Variants in RIMS2 observed in about 807,000 individuals in gnomAD.
RIMS2 encodes regulating synaptic membrane exocytosis 2, also known as regulating synaptic membrane exocytosis protein 2.
A neutral mutation model predicts 174.4 loss-of-function variants in RIMS2; 59 were observed. The observed-to-expected ratio is 0.34, with a 90% CI of 0.27 to 0.42. The LOEUF (loss-of-function observed/expected upper bound fraction) is 0.42. Among genes scored for constraint, RIMS2 ranks in the 10% least tolerant of loss-of-function variants. The probability of loss-of-function intolerance (pLI) is 1.00; values close to 1 mark genes in which losing one functional copy is unlikely to be tolerated. For missense variants in RIMS2, 1,620 were observed against 1,666.3 expected, an observed-to-expected ratio of 0.97 and a Z score of 0.48; for synonymous variants, 606 against 572.5, an observed-to-expected ratio of 1.06 and a Z score of -0.84.
intron 19 of RIMS2, among the ~76,000 whole-genome samples, chr8:104,101,280 C>A (rs955490752): frequency 4.6e-5 from 7 of 151,658 alleles, no homozygotes; most frequent in Admixed American, 3.9e-4. Context: ...GCATGTGCCA[C>A]CATGCCCAGC....
intron 3 of RIMS2, among the ~76,000 whole-genome samples, chr8:103,843,002 C>G (rs2098949175): frequency 1.3e-5 from 2 of 152,148 alleles, no homozygotes; most frequent in African/African-American, 4.8e-5. Context: ...ATTTCCTCTT[C>G]TTATAAGTAT....
Position 104,150,439 on chromosome 8 carries a change from C to T in RIMS2, c.3335-94477C>T, listed in dbSNP as rs1057052839. Among the ~76,000 whole-genome samples, 6 of 152,112 alleles carry T rather than the reference C, an allele frequency of 3.9e-5. No homozygotes were observed. The South Asian group carries it at 6.2e-4, about 16-fold the overall frequency. On this transcript the variant is annotated intron_variant, in intron 19 of 23. Transcript: ENST00000504942. ...TTAAACAGATTGCTTCAAGGTCATA[C>T]GCCAGTGGTGAATCTAGAGTTACAC...
chr8:103,593,052 T>TTTTC (rs1212974116), intron 1 of RIMS2, among the ~76,000 whole-genome samples: 1 of 151,444 alleles, frequency 6.6e-6, no homozygotes, highest in Non-Finnish European at 1.5e-5. Flanking sequence ...CATTTGGATG[T>TTTTC]TTGAAGACAT....
rs1195802653 is a variant in RIMS2, at chr8:104,060,019, G to A, written c.3334+45404G>A. On this transcript the variant is annotated intron_variant, in intron 19 of 23. Transcript: ENST00000504942. ...GCATCAATGTTCATCAAGGATATTG[G>A]TCTAAAATTCTCTTTTTTGGTTGTG... Among the ~76,000 whole-genome samples the A allele has an allele frequency of 5.3e-5, 8 of 151,832 alleles. 1 individual carries two copies. Among genetic ancestry groups the A allele is most frequent in the Non-Finnish European group, 1.2e-4 (8 of 67,916 alleles).
intron 1 of RIMS2, among the ~76,000 whole-genome samples, chr8:103,615,587 T>G (rs140727507): frequency 1.5e-4 from 23 of 151,964 alleles, no homozygotes; most frequent in African/African-American, 4.8e-4. Flanking sequence ...ATCAACAAAT[T>G]CAGGAGTTGA....
chr8:103,663,399 C>T (rs1363165066), intron 1 of RIMS2, among the ~76,000 whole-genome samples: 1 of 152,138 alleles, frequency 6.6e-6, no homozygotes, highest in Non-Finnish European at 1.5e-5. Context: ...ATCGTGTCAG[C>T]CCCAAATCTC....
intron 3 of RIMS2, among the ~76,000 whole-genome samples, chr8:103,834,339 T>C (rs2098845004): frequency 6.7e-6 from 1 of 149,000 alleles, no homozygotes; most frequent in Non-Finnish European, 1.5e-5. Context: ...TTTCTTTTTT[T>C]TTTTTTTTTT....
At chr8:103,790,112 A>T (rs953822530) in intron 3 of RIMS2, among the ~76,000 whole-genome samples, 3 of 152,080 alleles carry the variant, frequency 2.0e-5, no homozygotes, top group Non-Finnish European at 2.9e-5. Context: ...TGGAGATATA[A>T]TTCATGTGTC....
intron 19 of RIMS2, among the ~76,000 whole-genome samples, chr8:104,073,076 ACTTT>A (rs1030380759): frequency 1.3e-5 from 2 of 152,206 alleles, no homozygotes; most frequent in Non-Finnish European, 2.9e-5. Flanking sequence ...TATAAAATCA[ACTTT>A]CTTTCCTCTT....
chr8:104,169,031 C>T (rs1280781059), intron 19 of RIMS2, among the ~76,000 whole-genome samples: 1 of 151,876 alleles, frequency 6.6e-6, no homozygotes, highest in East Asian at 1.9e-4. Context: ...TTTTGATATG[C>T]TGTTGGATTT....
chr8:104,221,400 G>A (rs2099154570), intron 19 of RIMS2, among the ~76,000 whole-genome samples: 1 of 151,982 alleles, frequency 6.6e-6, no homozygotes, highest in Admixed American at 6.6e-5. Context: ...GTGACCCACA[G>A]TTTAAAAAAA....
chr8:103,531,532 C>T (rs928615666), intron 1 of RIMS2, among the ~76,000 whole-genome samples: 2 of 152,158 alleles, frequency 1.3e-5, no homozygotes, highest in African/African-American at 4.8e-5. Context: ...TGCGTGCCCA[C>T]ACCCTCATAC....
At chr8:103,795,759 C>A (rs918889463) in intron 3 of RIMS2, among the ~76,000 whole-genome samples, 2 of 152,198 alleles carry the variant, frequency 1.3e-5, no homozygotes, top group Admixed American at 1.3e-4. Context: ...AGAAAACAAG[C>A]CTTCACATGT....
chr8:104,001,312 A>G (rs757956980), intron 17 of RIMS2, among the ~76,000 whole-genome samples: 1 of 152,042 alleles, frequency 6.6e-6, no homozygotes, highest in Non-Finnish European at 1.5e-5. Context: ...TGATCATTAC[A>G]TATTATATAT....
At chr8:103,662,675 TATCTATCTATC>T (rs1282541851) in intron 1 of RIMS2, among the ~76,000 whole-genome samples, 1 of 40,458 alleles carries the variant, frequency 2.5e-5, no homozygotes, top group African/African-American at 8.7e-5. Flanking sequence ...CAGAAGAGTC[TATCTATCTATC>T]TATCTATCTA....
In RIMS2 at chr8:103,730,062, C is replaced by G. The variant is rs561186165; in HGVS notation, c.387+32766C>G. On this transcript the variant is annotated intron_variant, in intron 2 of 23. Coordinates refer to ENST00000504942, the Ensembl canonical transcript of RIMS2. Reference sequence around the variant, plus strand: ...AGTGTTCTGTAATTATCTATTAGGTCCATTTGGACTATACTGCAGATTATG... The same window carrying G: ...AGTGTTCTGTAATTATCTATTAGGTGCATTTGGACTATACTGCAGATTATG... Among the ~76,000 whole-genome samples, 24 of 152,192 alleles carry G rather than the reference C, an allele frequency of 1.6e-4. 1 individual carries two copies. In the East Asian group the frequency reaches 4.4e-3, roughly 28 times the overall value.
intron 19 of RIMS2, among the ~76,000 whole-genome samples, chr8:104,065,752 T>C (rs1225408673): frequency 1.3e-5 from 2 of 152,164 alleles, no homozygotes; most frequent in Non-Finnish European, 2.9e-5. Flanking sequence ...ATTTCATTGG[T>C]TAAGACTCTA....
intron 3 of RIMS2, among the ~76,000 whole-genome samples, chr8:103,803,475 A>T (rs2098629358): frequency 6.6e-6 from 1 of 152,138 alleles, no homozygotes; most frequent in Non-Finnish European, 1.5e-5. Flanking sequence ...AATAACTGAT[A>T]AAAAAATTTA....
At chr8:103,952,254 C>A (rs1325941530) in intron 14 of RIMS2, among the ~76,000 whole-genome samples, 1 of 152,204 alleles carries the variant, frequency 6.6e-6, no homozygotes, top group Non-Finnish European at 1.5e-5. Flanking sequence ...AGTGTTTGAG[C>A]TCCGATAAGG....
Sources: gnomAD v4.1 joint callset for allele counts (sites outside exome capture counted in the v4.1 genomes callset) on GRCh38, gnomAD v4.1.1 for gene constraint, MANE v1.5 for transcripts, NCBI Gene and HGNC (gene_info 2026-07-23, HGNC 2026-07-21) for gene names.